The following ROBO2 variants were observed in gnomAD, a reference collection of about 807,000 sequenced individuals.
The protein encoded by ROBO2 is roundabout homolog 2.
ROBO2 carries 53 observed loss-of-function variants against 160.8 expected under a neutral mutation model. That is an observed-to-expected ratio of 0.33 (90% CI 0.26 to 0.41). ROBO2 has a LOEUF of 0.41. Among genes scored for constraint, ROBO2 ranks in the 10% least tolerant of loss-of-function variants. The pLI is 1.00. For synonymous variants in ROBO2, 664 were observed against 611.7 expected (o/e 1.09, Z -1.26); for missense variants, 1,577 against 1,722.4 (o/e 0.92, Z 1.49).
intron 5 of ROBO2, among the ~76,000 whole-genome samples, chr3:77,498,301 G>A (rs1278796003): frequency 6.6e-6 from 1 of 152,010 alleles, no homozygotes; most frequent in Non-Finnish European, 1.5e-5. Flanking sequence ...AGAAGAAAAA[G>A]GAAATAAAAT....
chr3:77,239,936 GAC>G (rs1376439262), intron 2 of ROBO2, among the ~76,000 whole-genome samples: 1 of 152,178 alleles, frequency 6.6e-6, no homozygotes, highest in Admixed American at 6.5e-5. Context: ...TCCCAAGCTA[GAC>G]ACAGAGTGCT....
At chr3:77,632,608 G>T (rs1408893238) in intron 23 of ROBO2, 4 of 1,535,650 alleles carry the variant, frequency 2.6e-6, no homozygotes, top group Non-Finnish European at 3.5e-6. Flanking sequence ...GGTGGCAGCA[G>T]CAGATAAAGC....
intron 2 of ROBO2, among the ~76,000 whole-genome samples, chr3:76,123,566 A>C (rs1260223389): frequency 2.0e-5 from 3 of 152,068 alleles, no homozygotes; most frequent in Admixed American, 1.3e-4. Context: ...TTACTCGCTT[A>C]TTAATTATTT....
chr3:76,822,073 T>A (rs886458926), intron 2 of ROBO2, among the ~76,000 whole-genome samples: 39 of 151,950 alleles, frequency 2.6e-4, no homozygotes, highest in Non-Finnish European at 5.2e-4. Flanking sequence ...CAAAAAAAAA[T>A]TTTCCAGACA....
chr3:76,012,709 G>C (rs535178815), intron 2 of ROBO2, among the ~76,000 whole-genome samples: 1 of 152,068 alleles, frequency 6.6e-6, no homozygotes, highest in South Asian at 2.1e-4. Context: ...TATTTTTAGA[G>C]GTATATAATT....
At chr3:76,500,815 T>G (rs2080421085) in intron 2 of ROBO2, among the ~76,000 whole-genome samples, 2 of 152,200 alleles carry the variant, frequency 1.3e-5, no homozygotes, top group Admixed American at 6.5e-5. Flanking sequence ...CCCCTTAATT[T>G]TGAACAAGGG....
chr3:76,680,901 C>T (rs1193541502), intron 2 of ROBO2, among the ~76,000 whole-genome samples: 6 of 152,056 alleles, frequency 3.9e-5, no homozygotes, highest in South Asian at 2.1e-4. Context: ...CTCAGCCTCC[C>T]GAGTAGCGGA....
chr3:77,138,646 A>G (rs1019444094), intron 2 of ROBO2, among the ~76,000 whole-genome samples: 8 of 151,430 alleles, frequency 5.3e-5, no homozygotes, highest in African/African-American at 1.9e-4. Flanking sequence ...TGAGTTTTTA[A>G]AACGTTTTTC....
At position 75,984,679 on chromosome 3, in the gene ROBO2, G is replaced by A. The variant is rs189672386; in HGVS notation, c.109+47077G>A. On this transcript the variant is annotated intron_variant, in intron 2 of 26. Coordinates refer to the ROBO2 transcript ENST00000487694. Reference sequence around the variant, plus strand: ...CATACATCTATAAGTACATGTATTCGCACACTTAATTCTTGACAGAAATTT... The same window carrying A: ...CATACATCTATAAGTACATGTATTCACACACTTAATTCTTGACAGAAATTT... 5.3e-5 allele frequency among the ~76,000 whole-genome samples: 8 copies of A among 151,370 alleles called. No individual in the cohort carries two copies. In the East Asian group the frequency reaches 7.8e-4, roughly 15 times the overall value.
intron 2 of ROBO2, among the ~76,000 whole-genome samples, chr3:77,166,369 A>C (rs1425843243): frequency 6.6e-6 from 1 of 152,196 alleles, no homozygotes; most frequent in Non-Finnish European, 1.5e-5. Flanking sequence ...TATTTATAAA[A>C]ATTCCATAAC....
At chr3:76,980,893 A>G (rs1393737629) in intron 2 of ROBO2, among the ~76,000 whole-genome samples, 1 of 151,964 alleles carries the variant, frequency 6.6e-6, no homozygotes, top group Non-Finnish European at 1.5e-5. Context: ...CTACATATAA[A>G]TTTGTCTTTT....
intron 2 of ROBO2, among the ~76,000 whole-genome samples, chr3:76,574,019 T>G (rs1234478008): frequency 2.6e-5 from 4 of 152,276 alleles, no homozygotes; most frequent in African/African-American, 7.2e-5. Flanking sequence ...TATTTGTGTA[T>G]GTGTCTTAAC....
intron 2 of ROBO2, among the ~76,000 whole-genome samples, chr3:76,931,175 T>G (rs1466660352): frequency 6.6e-6 from 1 of 150,856 alleles, no homozygotes; most frequent in Non-Finnish European, 1.5e-5. Context: ...CATCAGTACT[T>G]GGGCCTTTGT....
chr3:76,561,363 A>G (rs1466123469), intron 2 of ROBO2, among the ~76,000 whole-genome samples: 9 of 152,148 alleles, frequency 5.9e-5, no homozygotes, highest in Admixed American at 5.9e-4. Context: ...AATGCAGATA[A>G]TATTTTTCCT....
At chr3:76,403,843 G>A (rs2077985563) in intron 2 of ROBO2, among the ~76,000 whole-genome samples, 1 of 151,466 alleles carries the variant, frequency 6.6e-6, no homozygotes, top group Non-Finnish European at 1.5e-5. Flanking sequence ...AAATGTATAC[G>A]CCGTGCCATA....
chr3:76,566,568 C>T (rs1298267430), intron 2 of ROBO2, among the ~76,000 whole-genome samples: 1 of 152,166 alleles, frequency 6.6e-6, no homozygotes, highest in African/African-American at 2.4e-5. Context: ...AATGCATATG[C>T]TCTTCACTAA....
At chr3:76,834,108 TTCTTTCTC>T (rs2067414069) in intron 2 of ROBO2, among the ~76,000 whole-genome samples, 1 of 147,976 alleles carries the variant, frequency 6.8e-6, no homozygotes, top group African/African-American at 2.5e-5. Flanking sequence ...CTTTCTTTCT[TTCTTTCTC>T]TCTGTCTCTC....
chr3:76,337,668 A>G (rs1559787349), intron 2 of ROBO2, among the ~76,000 whole-genome samples: 3 of 152,312 alleles, frequency 2.0e-5, no homozygotes, highest in East Asian at 3.9e-4. Context: ...GCAATAAAGG[A>G]ACTGAAGAAT....
intron 2 of ROBO2, among the ~76,000 whole-genome samples, chr3:75,987,340 A>AT (rs2065441422): frequency 6.6e-6 from 1 of 151,828 alleles, no homozygotes; most frequent in African/African-American, 2.4e-5. Context: ...TTCTTTTCTG[A>AT]TTGTTCATTG....
Sources: allele counts gnomAD v4.1 joint callset (sites outside exome capture counted in the v4.1 genomes callset), GRCh38; gene constraint gnomAD v4.1.1; transcripts MANE v1.5; gene names NCBI Gene and HGNC (gene_info 2026-07-23, HGNC 2026-07-21).